Variants in SMYD2 observed in about 807,000 individuals in gnomAD.
The protein encoded by SMYD2 is SET and MYND domain containing 2.
Under a neutral mutation model 59.1 loss-of-function variants are expected in SMYD2, and 53 were observed. That is an observed-to-expected ratio of 0.90 (90% confidence interval 0.72 to 1.13). The LOEUF (loss-of-function observed/expected upper bound fraction) is 1.13, where lower values mean the gene tolerates loss of function less well. SMYD2 is among the 50% of genes most tolerant of loss of function. The pLI, the probability that SMYD2 is intolerant of heterozygous loss-of-function variation, is 0.00. For missense variants in SMYD2, 494 were observed against 544.7 expected (o/e 0.91, Z 0.93); for synonymous variants, 208 against 198.8 (o/e 1.05, Z -0.39).
rs552099109 is a variant in SMYD2, at chr1:214,326,233, A to G, written c.603-1389A>G. Among the ~76,000 whole-genome samples, 43 of 125,902 alleles carry G rather than the reference A, an allele frequency of 3.4e-4. 1 individual carries two copies. Among genetic ancestry groups the G allele is most frequent in the Admixed American group, 1.7e-3 (21 of 12,178 alleles). 82.6% of individuals were successfully genotyped at this position (125,902 alleles called of 152,430 possible). ...AGCCTGGACAACAAACCGAGACTCCATCTCAAAAAAAAAAAAAAAAAAAGA... is the reference window on the plus strand; with the variant it reads ...AGCCTGGACAACAAACCGAGACTCCGTCTCAAAAAAAAAAAAAAAAAAAGA... On this transcript the variant is annotated intron_variant, in intron 6 of 11. Transcript: ENST00000366957.
In SMYD2 at chr1:214,318,765, C is replaced by A; in HGVS notation, c.410-94C>A. 1 of 1,415,914 alleles carries A rather than the reference C, an allele frequency of 7.1e-7. No individual in the cohort carries two copies. The highest frequency in any genetic ancestry group is 1.4e-5 in the South Asian group (1 of 69,712). The allele number at this position is 1,415,914 out of a possible 1,614,324, so 87.7% of individuals were successfully genotyped here. A position where few individuals can be genotyped will look rare whatever the true frequency, so the allele number is the denominator to read the frequency against. On this transcript the variant is annotated intron_variant, in intron 4 of 11. Coordinates refer to ENST00000366957, the MANE Select transcript of SMYD2 (RefSeq NM_020197.3). This position sits in a 1 kb window ranked among gnomAD's most constrained non-coding sequence, Gnocchi z 5.4. The stretch of plus-strand genomic sequence containing the variant: ...AGTTTTGGGTTTTTTTTTTTTCGCC[C>A]GTTCCTTTCCTCTGTATCATTTACA...
At chr1:214,311,484 G>A (rs1246838306) in intron 2 of SMYD2, among the ~76,000 whole-genome samples, 2 of 152,108 alleles carry the variant, frequency 1.3e-5, no homozygotes, top group African/African-American at 4.8e-5. Context: ...GGCGCAAAGG[G>A]ATTAAGAAAC....
intron 2 of SMYD2, among the ~76,000 whole-genome samples, chr1:214,314,190 A>G (rs1657044126): frequency 1.3e-5 from 2 of 151,714 alleles, no homozygotes; most frequent in African/African-American, 2.4e-5. Context: ...AAAAAAAAGG[A>G]AAGAAAGAAT....
chr1:214,330,120 T>G (rs1489894905), intron 7 of SMYD2, 48 bp from the exon 8 acceptor site: 78 of 1,297,012 alleles, frequency 6.0e-5, no homozygotes, highest in Non-Finnish European at 7.6e-5. Context: ...TGACAAGGAT[T>G]GAGTTTACCT....
At chr1:214,326,451 T>C (rs1384399578) in intron 6 of SMYD2, among the ~76,000 whole-genome samples, 2 of 152,130 alleles carry the variant, frequency 1.3e-5, no homozygotes, top group Non-Finnish European at 1.5e-5. Flanking sequence ...TTAATACAAC[T>C]ACCCTTCGAT....
chr1:214,288,938 CTTT>C, intron 1 of SMYD2, among the ~76,000 whole-genome samples: 1 of 136,704 alleles, frequency 7.3e-6, no homozygotes. Context: ...AGCCCATAGT[CTTT>C]TTTTTTTTTT....
At chr1:214,294,507 A>C (rs1178595048) in intron 1 of SMYD2, among the ~76,000 whole-genome samples, 2 of 152,194 alleles carry the variant, frequency 1.3e-5, no homozygotes, top group Non-Finnish European at 2.9e-5. Flanking sequence ...GTCTCTACTA[A>C]AAATACAAAA....
chr1:214,281,472 C>A (rs775630731), intron 1 of SMYD2, 45 bp downstream of exon 1: 2 of 1,315,546 alleles, frequency 1.5e-6, no homozygotes, highest in Non-Finnish European at 9.7e-7. Context: ...CCGGGGGCGC[C>A]GAGCGGGAGG....
rs1437274492 is a variant in SMYD2, at chr1:214,334,436, C to T, written c.1221+128C>T. On this transcript the variant is annotated intron_variant, in intron 11 of 11. Coordinates refer to ENST00000366957, the MANE Select transcript of SMYD2 (RefSeq NM_020197.3). ...GAGCAGCTCTCACCCACCCTCTTGC[C>T]GTGGGAGCAGCGGGGGTGGGTCCTG... 3.0e-5 allele frequency: 25 copies of T among 842,278 alleles called. 1 individual carries two copies. The highest frequency in any genetic ancestry group is 1.1e-4 in the Admixed American group (5 of 46,732). The allele number at this position is 842,278 out of a possible 1,614,324, so 52.2% of individuals were successfully genotyped here.
intron 1 of SMYD2, among the ~76,000 whole-genome samples, chr1:214,285,964 G>A (rs897342914): frequency 6.6e-6 from 1 of 152,240 alleles, no homozygotes; most frequent in Non-Finnish European, 1.5e-5. Flanking sequence ...AAGGCACAGT[G>A]AGAATATGGT....
intron 6 of SMYD2, among the ~76,000 whole-genome samples, chr1:214,325,100 A>G (rs948193024): frequency 6.6e-6 from 1 of 152,232 alleles, no homozygotes; most frequent in African/African-American, 2.4e-5. Flanking sequence ...TTGAGTACAG[A>G]CTATATGAGC....
intron 1 of SMYD2, among the ~76,000 whole-genome samples, chr1:214,293,865 G>A (rs1246372256): frequency 2.6e-5 from 4 of 152,042 alleles, no homozygotes; most frequent in Admixed American, 1.3e-4. Flanking sequence ...TACTAGTGAC[G>A]GGGTTTCTCC....
intron 1 of SMYD2, among the ~76,000 whole-genome samples, chr1:214,290,317 A>G (rs1365083858): frequency 6.6e-6 from 1 of 152,178 alleles, no homozygotes; most frequent in Non-Finnish European, 1.5e-5. Flanking sequence ...AAAAATTTAA[A>G]AATAGCGTGG....
chr1:214,286,602 C>G (rs977748010), intron 1 of SMYD2, among the ~76,000 whole-genome samples: 2 of 152,004 alleles, frequency 1.3e-5, no homozygotes, highest in African/African-American at 2.4e-5. Flanking sequence ...GAAACCCTGT[C>G]TCCTCTGAAG....
chr1:214,281,315 C>A lies in SMYD2; in HGVS notation c.61C>A (p.Leu21Met), dbSNP rs768793439. 1 of 1,411,062 alleles carries A rather than the reference C, an allele frequency of 7.1e-7. No individual in the cohort carries two copies. The highest frequency in any genetic ancestry group is 2.5e-5 in the Admixed American group (1 of 40,524). The allele number at this position is 1,411,062 out of a possible 1,614,324, so 87.4% of individuals were successfully genotyped here. A position where few individuals can be genotyped will look rare whatever the true frequency, so the allele number is the denominator to read the frequency against. The change falls in exon 1 of 12, where the codon CTG (leucine) becomes ATG (methionine). Residue 21 changes from leucine (L) to methionine (M), a missense_variant. Coordinates refer to ENST00000366957, the MANE Select transcript of SMYD2 (RefSeq NM_020197.3). ...RFCSPGKGRG[L>M]RALQPFQVGD... ...CTGCAGCCCGGGCAAAGGCCGGGGG[C>A]TGCGGGCTCTGCAGCCCTTCCAGGT...
rs539190942 is a variant in SMYD2 at position 214,281,431 on chromosome 1, GGGC to G, written c.173+25_173+27del. On this transcript the variant is annotated splice_donor_5th_base_variant and intron_variant, in intron 1 of 11. Transcript: ENST00000366957. ...ACTGCGAGTACTGCTTCACCAGGTA[GGGC>G]GGCGGCGGCGGCGGCGGCGGGCGGG... 4,209 of 1,380,108 alleles carry G rather than the reference GGGC, an allele frequency of 3.0e-3. 4 individuals are homozygous for G. Among genetic ancestry groups the G allele is most frequent in the South Asian group, 0.015 (836 of 54,504 alleles). 85.5% of individuals were successfully genotyped at this position (1,380,108 alleles called of 1,614,324 possible).
In SMYD2 at chr1:214,281,248, C is replaced by T. The variant is rs559341288; in HGVS notation, c.-7C>T. ...GGCACAGCCGGCGGCCGCGCCCCGC[C>T]GCCACCATGAGGGCCGAGGGCCTCG... On this transcript the variant is annotated 5_prime_UTR_variant, in exon 1 of 12. Coordinates refer to ENST00000366957, the MANE Select transcript of SMYD2 (RefSeq NM_020197.3). The T allele has an allele frequency of 2.4e-5, 30 of 1,237,034 alleles. No individual in the cohort carries two copies. The African/African-American group carries it at 4.4e-4, about 18-fold the overall frequency. The allele number at this position is 1,237,034 out of a possible 1,614,324, so 76.6% of individuals were successfully genotyped here.
intron 7 of SMYD2, 89 bp downstream of exon 7, chr1:214,327,813 A>G: frequency 8.8e-7 from 1 of 1,134,232 alleles, no homozygotes; most frequent in Non-Finnish European, 1.3e-6. Context: ...GTGTCACTTG[A>G]CAGTATGAGT....
At chr1:214,332,233 T>A (rs1362162199) in intron 10 of SMYD2, 41 bp downstream of exon 10, 1 of 1,605,276 alleles carries the variant, frequency 6.2e-7, no homozygotes, top group South Asian at 1.1e-5. Flanking sequence ...GGAGTGGAAT[T>A]TGGTTGTTTA....
Sources: gnomAD v4.1 joint callset for allele counts (sites outside exome capture counted in the v4.1 genomes callset) on GRCh38, gnomAD v4.1.1 for gene constraint, Gnocchi (gnomAD v3.1) non-coding constraint, MANE v1.5 for transcripts, NCBI Gene and HGNC (gene_info 2026-07-23, HGNC 2026-07-21) for gene names.